SYNE1: variants seen among roughly 807,000 people sequenced by gnomAD.
SYNE1 encodes the protein spectrin repeat containing nuclear envelope protein 1.
SYNE1 carries 616 observed loss-of-function variants against 1,111.0 expected under a neutral mutation model. The ratio of observed to expected loss-of-function variants is 0.55; its 90% CI spans 0.52 to 0.59. The LOEUF (loss-of-function observed/expected upper bound fraction) is 0.59, where lower values mean the gene tolerates loss of function less well. SYNE1 is among the 20% of genes least tolerant of loss of function. The pLI, the probability that SYNE1 is intolerant of heterozygous loss-of-function variation, is 0.00. For missense variants in SYNE1, 10,006 were observed against 10,417.0 expected, an observed-to-expected ratio of 0.96 and a Z score of 1.72; for synonymous variants, 3,855 against 3,825.8, an observed-to-expected ratio of 1.01 and a Z score of -0.28.
chr6:152,451,997 GTT>G (rs1232181324), intron 25 of SYNE1, among the ~76,000 whole-genome samples: 1 of 148,764 alleles, frequency 6.7e-6, no homozygotes, highest in African/African-American at 2.5e-5. Flanking sequence ...CTGAAAAAAA[GTT>G]TTAAAAAGAA....
rs762034236 is a variant in SYNE1, at chr6:152,458,914, G to A, written c.2411C>T (p.Ser804Phe). 8.1e-6 allele frequency: 13 copies of A among 1,613,956 alleles called. No individual in the cohort carries two copies. The highest frequency in any genetic ancestry group is 1.1e-5 in the Non-Finnish European group (13 of 1,179,940). ...EQLTKVKECYSPLLYESQQLL... is the reference protein window; with the variant it reads ...EQLTKVKECYFPLLYESQQLL... ...CTGCTGAGACTCATAAAGGAGTGGG[G>A]AGTAACATTCTTTGACCTTTAAAAA... The change falls in exon 22 of 146, where the codon TCC becomes TTC. Residue 804 changes from serine to phenylalanine, a missense_variant. Ser to Phe is a radical substitution (Grantham distance 155). Coordinates refer to ENST00000367255, the MANE Select transcript of SYNE1 (RefSeq NM_182961.4).
chr6:152,316,639 A>C, intron 87 of SYNE1: 1 of 596,854 alleles, frequency 1.7e-6, no homozygotes. Flanking sequence ...TTTAGGGAAG[A>C]TCAAGGATAT....
At chr6:152,175,351 C>G (rs1267406987) in intron 130 of SYNE1, among the ~76,000 whole-genome samples, 1 of 152,156 alleles carries the variant, frequency 6.6e-6, no homozygotes, top group African/African-American at 2.4e-5. Flanking sequence ...AATCAGCATA[C>G]AGGGTTGTGG....
intron 41 of SYNE1, 122 bp downstream of exon 41, chr6:152,416,265 G>T: frequency 7.3e-7 from 1 of 1,371,264 alleles, no homozygotes; most frequent in Non-Finnish European, 1.0e-6. Context: ...TTTTGGCAGA[G>T]TGAATTGGGG....
At chr6:152,162,924 C>T (rs1377171412) in intron 131 of SYNE1, among the ~76,000 whole-genome samples, 5 of 151,594 alleles carry the variant, frequency 3.3e-5, no homozygotes, top group Non-Finnish European at 5.9e-5. Flanking sequence ...TTAAAAAAAC[C>T]TCAACACCCA....
At chr6:152,294,418 G>C (rs1431173440) in intron 93 of SYNE1, among the ~76,000 whole-genome samples, 1 of 152,024 alleles carries the variant, frequency 6.6e-6, no homozygotes, top group East Asian at 1.9e-4. Context: ...GAAATACAAA[G>C]GATTTAAGCA....
intron 3 of SYNE1, among the ~76,000 whole-genome samples, chr6:152,604,623 A>T (rs2099606463): frequency 1.3e-5 from 2 of 151,948 alleles, no homozygotes; most frequent in Non-Finnish European, 2.9e-5. Context: ...TAATTTTGGA[A>T]AAAAGTTATA....
intron 33 of SYNE1, 121 bp from the exon 34 acceptor site, chr6:152,434,066 A>G: frequency 1.0e-6 from 1 of 958,890 alleles, no homozygotes; most frequent in Non-Finnish European, 1.5e-6. Flanking sequence ...TCAAAGTTGA[A>G]ACTATTCACG....
At chr6:152,350,439 T>C (rs2096721463) in intron 71 of SYNE1, 104 bp from the exon 72 acceptor site, 4 of 1,532,736 alleles carry the variant, frequency 2.6e-6, no homozygotes, top group Admixed American at 1.7e-5. Context: ...TAGTTAGAGC[T>C]ACTTAGAAAA....
chr6:152,403,566 T>A (rs1299820761), intron 46 of SYNE1, among the ~76,000 whole-genome samples: 1 of 151,758 alleles, frequency 6.6e-6, no homozygotes, highest in East Asian at 1.9e-4. Flanking sequence ...ACAAAAAATT[T>A]AAAAAATTAG....
intron 112 of SYNE1, among the ~76,000 whole-genome samples, chr6:152,232,840 G>A (rs544810457): frequency 6.6e-6 from 1 of 152,296 alleles, no homozygotes; most frequent in South Asian, 2.1e-4. Flanking sequence ...TGATTTGGAG[G>A]AACAAAAGCA....
chr6:152,529,927 A>C (rs2099187701), intron 4 of SYNE1, among the ~76,000 whole-genome samples: 1 of 152,072 alleles, frequency 6.6e-6, no homozygotes, highest in Non-Finnish European at 1.5e-5. Flanking sequence ...ACCCCAGCAA[A>C]AAAAAAGTTA....
Position 152,211,582 on chromosome 6 carries a change from G to C in SYNE1, c.22501C>G (p.Gln7501Glu). Residue 7501 changes from glutamine to glutamate, a missense_variant, in exon 124 of 146, where the codon CAA (glutamine) becomes GAA (glutamate). Physicochemically the swap from Gln to Glu is conservative, Grantham distance 29 (BLOSUM62 2). Around this residue, in one of 7 missense-constraint regions of SYNE1, gnomAD observed 2,182 missense variants for 2,287.8 expected, o/e 0.95. Coordinates refer to ENST00000367255, the MANE Select transcript of SYNE1 (RefSeq NM_182961.4). ...TGCTGACGACTGAACATCTCGGCTT[G>C]AAACAACTATAATTTAAAAAAAAGA... The part of the protein sequence containing the change: ...LEQQRAHELF[Q>E]AEMFSRQQIL... 1 of 1,613,022 alleles carries C rather than the reference G, an allele frequency of 6.2e-7. No homozygotes were observed. Among genetic ancestry groups the C allele is most frequent in the Non-Finnish European group, 8.5e-7 (1 of 1,179,386 alleles).
At chr6:152,364,722 A>AAGGAAGGAAGGG (rs950627491) in intron 63 of SYNE1, 125 bp downstream of exon 63, 18 of 1,068,618 alleles carry the variant, frequency 1.7e-5, no homozygotes, top group African/African-American at 1.4e-4. Context: ...GGAAGGAAGG[A>AAGGAAGGAAGGG]AGGAAGGGAG....
At chr6:152,561,699 A>G (rs1249595763) in intron 3 of SYNE1, among the ~76,000 whole-genome samples, 4 of 152,214 alleles carry the variant, frequency 2.6e-5, no homozygotes, top group Non-Finnish European at 5.9e-5. Flanking sequence ...ACTGCATGGT[A>G]CTGGCATAAA....
intron 128 of SYNE1, among the ~76,000 whole-genome samples, chr6:152,182,780 T>C (rs909673136): frequency 2.0e-5 from 3 of 152,158 alleles, no homozygotes; most frequent in African/African-American, 7.2e-5. Flanking sequence ...GTGAGTTGCC[T>C]AGAGAGTGAG....
chr6:152,607,053 C>T (rs2099617561), intron 3 of SYNE1, among the ~76,000 whole-genome samples: 1 of 138,700 alleles, frequency 7.2e-6, no homozygotes. Context: ...GGTGCAATCT[C>T]GTCTCACTGC....
chr6:152,210,594 C>G, intron 124 of SYNE1, among the ~76,000 whole-genome samples: 1 of 151,968 alleles, frequency 6.6e-6, no homozygotes, highest in Non-Finnish European at 1.5e-5. Context: ...AGACAAAACT[C>G]TCAATAAAAA....
At chr6:152,256,275 A>T (rs2153627042) in intron 102 of SYNE1, among the ~76,000 whole-genome samples, 1 of 146,918 alleles carries the variant, frequency 6.8e-6, no homozygotes, top group South Asian at 2.2e-4. Context: ...AAAAAATAAA[A>T]AAAAATCAGC....
Sources: gnomAD v4.1 joint callset for allele counts (sites outside exome capture counted in the v4.1 genomes callset) on GRCh38, gnomAD v4.1.1 for gene constraint, gnomAD v4.1.1 regional missense constraint, MANE v1.5 for transcripts, NCBI Gene and HGNC (gene_info 2026-07-23, HGNC 2026-07-21) for gene names.